GNG7: variants seen among roughly 807,000 people sequenced by gnomAD.
GNG7 encodes the protein guanine nucleotide-binding protein G(I)/G(S)/G(O) subunit gamma-7.
In GNG7, 1 loss-of-function variant was observed where a neutral mutation model predicts 4.0. The observed-to-expected ratio is 0.25, with a 90% confidence interval of 0.09 to 1.18. The LOEUF is 1.18. Among genes scored for constraint, GNG7 ranks in the 50% most tolerant of loss-of-function variants. The pLI is 0.50. For synonymous variants in GNG7, 34 were observed against 36.9 expected (o/e 0.92, Z 0.29); for missense variants, 86 against 91.9 (o/e 0.94, Z 0.26).
intron 2 of GNG7, among the ~76,000 whole-genome samples, chr19:2,567,488 C>G (rs1236299945): frequency 1.3e-5 from 2 of 152,076 alleles, no homozygotes; most frequent in Non-Finnish European, 2.9e-5. Context: ...ACCACACCAG[C>G]TAATTTTTGC....
chr19:2,585,566 T>C (rs377255488), intron 2 of GNG7, among the ~76,000 whole-genome samples: 11 of 152,216 alleles, frequency 7.2e-5, no homozygotes, highest in African/African-American at 2.7e-4. Context: ...AACAGCCAGT[T>C]AGAAACAGGC....
At chr19:2,563,301 T>C (rs1405402463) in intron 2 of GNG7, among the ~76,000 whole-genome samples, 1 of 152,050 alleles carries the variant, frequency 6.6e-6, no homozygotes, top group East Asian at 1.9e-4. Context: ...CTCTGGACAT[T>C]GGGCCTGGAT....
intron 2 of GNG7, among the ~76,000 whole-genome samples, chr19:2,593,026 AAAGG>A (rs941231590): frequency 3.3e-5 from 5 of 149,716 alleles, no homozygotes; most frequent in Non-Finnish European, 5.9e-5. Context: ...AGAAAGAAGA[AAAGG>A]AAGGAAGGAA....
At chr19:2,585,660 T>C (rs1416227443) in intron 2 of GNG7, among the ~76,000 whole-genome samples, 2 of 152,152 alleles carry the variant, frequency 1.3e-5, no homozygotes, top group African/African-American at 4.8e-5. Flanking sequence ...AATGGAGACA[T>C]CATTCATATA....
At chr19:2,670,676 G>T (rs1473536197) in intron 1 of GNG7, among the ~76,000 whole-genome samples, 1 of 152,096 alleles carries the variant, frequency 6.6e-6, no homozygotes, top group Non-Finnish European at 1.5e-5. Flanking sequence ...TGTTCTCTCG[G>T]GCGGGGCTGT....
intron 3 of GNG7, among the ~76,000 whole-genome samples, chr19:2,531,201 A>AG (rs77465684): frequency 0.36 from 53,420 of 150,142 alleles, 9,840 homozygotes; most frequent in East Asian, 0.51. Context: ...GCTAGTCAGG[A>AG]GCTGAGATGA....
rs1255022632 is a variant in GNG7, at chr19:2,605,728, G to A, written c.-78+40496C>T. 1.0e-3 allele frequency among the ~76,000 whole-genome samples: 157 copies of A among 149,934 alleles called. 1 individual carries two copies. The South Asian group carries it at 0.014, about 13-fold the overall frequency. On this transcript the variant is annotated intron_variant, in intron 2 of 4. Transcript: ENST00000382159. ...GGGGTTTCACCATGTTGGCCAGCAT[G>A]GTCTCGATCTCCTGACCTCGTGATC...
chr19:2,672,993 A>C (rs1418053670), intron 1 of GNG7, among the ~76,000 whole-genome samples: 2 of 151,432 alleles, frequency 1.3e-5, no homozygotes, highest in African/African-American at 2.4e-5. Context: ...GCGGTGGTTC[A>C]TGCCTGTAAT....
rs1051318676 is a variant in GNG7, at chr19:2,515,164, GGAGGAGACA to G, written c.82-26_82-18del. 2 of 1,613,358 alleles carry G rather than the reference GGAGGAGACA, an allele frequency of 1.2e-6. No homozygotes were observed. Among genetic ancestry groups the G allele is most frequent in the Non-Finnish European group, 1.7e-6 (2 of 1,179,948 alleles). On this transcript the variant is annotated intron_variant, in intron 4 of 4. Transcript: ENST00000382159. Reference sequence around the variant, plus strand: ...TTTGGAGACCTGTGTTTGAGCACAAGGAGGAGACAGAGGAGACATAAGAAGAGGCTGGCA... The same window carrying G: ...TTTGGAGACCTGTGTTTGAGCACAAGGAGGAGACATAAGAAGAGGCTGGCA...
intron 2 of GNG7, among the ~76,000 whole-genome samples, chr19:2,595,515 C>A (rs919115601): frequency 6.6e-6 from 1 of 151,956 alleles, no homozygotes; most frequent in Non-Finnish European, 1.5e-5. Context: ...GGGTGGATTG[C>A]CTGAGCTCAG....
chr19:2,648,046 A>G (rs1343605517), intron 1 of GNG7, among the ~76,000 whole-genome samples: 1 of 151,054 alleles, frequency 6.6e-6, no homozygotes, highest in African/African-American at 2.4e-5. Context: ...AAAAAAAAAA[A>G]AAAGCCACTT....
intron 1 of GNG7, among the ~76,000 whole-genome samples, chr19:2,666,320 C>A (rs1436160859): frequency 1.3e-5 from 2 of 151,956 alleles, no homozygotes; most frequent in African/African-American, 4.8e-5. Flanking sequence ...TTACAGGCAC[C>A]TGCCAACATG....
chr19:2,673,172 GC>G (rs1291410388), intron 1 of GNG7, among the ~76,000 whole-genome samples: 3 of 151,332 alleles, frequency 2.0e-5, no homozygotes, highest in Non-Finnish European at 2.9e-5. Flanking sequence ...CAGGAGAATG[GC>G]CGTGAACCCG....
At chr19:2,525,531 G>A (rs1050041650) in intron 3 of GNG7, among the ~76,000 whole-genome samples, 1 of 152,078 alleles carries the variant, frequency 6.6e-6, no homozygotes, top group African/African-American at 2.4e-5. Flanking sequence ...GGTCGCTCAG[G>A]GAAGGGTGAC....
chr19:2,678,657 C>T (rs553755432), intron 1 of GNG7, among the ~76,000 whole-genome samples: 90 of 152,198 alleles, frequency 5.9e-4, no homozygotes, highest in African/African-American at 2.0e-3. Context: ...TGTCCAGTCT[C>T]GGAGGGTCCT....
chr19:2,680,614 TGCCCAGG>T (rs1427741295), intron 1 of GNG7, among the ~76,000 whole-genome samples: 3 of 150,948 alleles, frequency 2.0e-5, no homozygotes, highest in African/African-American at 7.3e-5. Context: ...TCCCTCTTGT[TGCCCAGG>T]CTGGAATGCA....
chr19:2,547,532 C>T (rs560323786), intron 3 of GNG7, among the ~76,000 whole-genome samples: 13 of 152,174 alleles, frequency 8.5e-5, no homozygotes, highest in Non-Finnish European at 1.6e-4. Flanking sequence ...GGATCATCCA[C>T]GGTGGTGCTC....
chr19:2,613,014 G>C (rs770180288), intron 2 of GNG7, among the ~76,000 whole-genome samples: 2 of 152,112 alleles, frequency 1.3e-5, no homozygotes, highest in East Asian at 1.9e-4. Context: ...TTTTAGAGCG[G>C]AGGAGGTAGC....
chr19:2,586,228 C>T (rs1342215474), intron 2 of GNG7, among the ~76,000 whole-genome samples: 2 of 152,220 alleles, frequency 1.3e-5, no homozygotes, highest in Non-Finnish European at 2.9e-5. Context: ...CAAGAGCTCC[C>T]ACCTTCCACT....
Sources: allele counts gnomAD v4.1 joint callset (sites outside exome capture counted in the v4.1 genomes callset), GRCh38; gene constraint gnomAD v4.1.1; transcripts MANE v1.5; gene names NCBI Gene and HGNC (gene_info 2026-07-23, HGNC 2026-07-21).